Variants in GALNT13 observed in about 807,000 individuals in gnomAD.
The protein encoded by GALNT13 is UDP-GalNAc:polypeptide N-acetylgalactosaminyltransferase 13.
In GALNT13, 28 loss-of-function variants were observed where a neutral mutation model predicts 64.2. That is an observed-to-expected ratio of 0.44 (90% CI 0.32 to 0.60). The LOEUF (loss-of-function observed/expected upper bound fraction) is 0.60, where lower values mean the gene tolerates loss of function less well. Among genes scored for constraint, GALNT13 ranks in the 20% least tolerant of loss-of-function variants. GALNT13 has a pLI of 0.05. For missense variants in GALNT13, 577 were observed against 669.8 expected, an observed-to-expected ratio of 0.86 and a Z score of 1.53; for synonymous variants, 214 against 224.6, an observed-to-expected ratio of 0.95 and a Z score of 0.42.
chr2:153,758,673 AC>A, the GALNT13 span, among the ~76,000 whole-genome samples: 2 of 151,940 alleles, frequency 1.3e-5, no homozygotes, highest in Non-Finnish European at 2.9e-5. Flanking sequence ...GCTCACTGCA[AC>A]CTCCACCTCC....
intron 2 of GALNT13, among the ~76,000 whole-genome samples, chr2:153,903,521 A>C (rs560670338): frequency 6.6e-6 from 1 of 152,020 alleles, no homozygotes; most frequent in East Asian, 1.9e-4. Context: ...TCATTGATTC[A>C]TGTTCCAAGT....
the GALNT13 span, among the ~76,000 whole-genome samples, chr2:153,433,615 C>CA: frequency 7.3e-4 from 110 of 151,474 alleles, no homozygotes; most frequent in Middle Eastern, 0.017. Flanking sequence ...ATATTCTTTG[C>CA]AAAAAAAATC....
chr2:153,900,574 C>T (rs1322533295), intron 1 of GALNT13, among the ~76,000 whole-genome samples: 1 of 152,144 alleles, frequency 6.6e-6, no homozygotes, highest in Non-Finnish European at 1.5e-5. Context: ...TGAATAATCA[C>T]CTCAACTCTC....
intron 3 of GALNT13, among the ~76,000 whole-genome samples, chr2:153,954,838 G>A (rs7563451): frequency 0.079 from 11,942 of 152,050 alleles, 796 homozygotes; most frequent in African/African-American, 0.17. Flanking sequence ...GAGCCCATAT[G>A]TTGAAACGGT....
chr2:153,491,629 T>C, the GALNT13 span, among the ~76,000 whole-genome samples: 1 of 151,332 alleles, frequency 6.6e-6, no homozygotes, highest in Admixed American at 6.6e-5. Context: ...TATTTATTTA[T>C]TTATTTCTTC....
At chr2:154,048,327 TG>T (rs2105341001) in intron 3 of GALNT13, among the ~76,000 whole-genome samples, 1 of 152,224 alleles carries the variant, frequency 6.6e-6, no homozygotes, top group East Asian at 1.9e-4. Context: ...TGAGACTTGG[TG>T]GGGACTCTGA....
chr2:153,604,080 G>A, the GALNT13 span, among the ~76,000 whole-genome samples: 1 of 151,992 alleles, frequency 6.6e-6, no homozygotes, highest in East Asian at 1.9e-4. Context: ...AAGATGGCTA[G>A]TCAAGATATT....
chr2:153,400,068 A>T, the GALNT13 span, among the ~76,000 whole-genome samples: 5,100 of 151,932 alleles, frequency 0.034, 106 homozygotes, highest in Middle Eastern at 0.065. Flanking sequence ...GGTTTGTCAT[A>T]GATAGCTCTT....
the GALNT13 span, among the ~76,000 whole-genome samples, chr2:153,538,323 ATTC>A: frequency 8.9e-5 from 5 of 56,304 alleles, no homozygotes; most frequent in African/African-American, 3.9e-4. Flanking sequence ...TTTTTTTTTA[ATTC>A]TTTTTTTTTT....
the GALNT13 span, among the ~76,000 whole-genome samples, chr2:153,666,905 A>G: frequency 1.3e-5 from 2 of 152,196 alleles, no homozygotes; most frequent in Non-Finnish European, 2.9e-5. Flanking sequence ...ACTCAACACA[A>G]GGAATCTAAG....
chr2:154,306,074 C>G lies in GALNT13; in HGVS notation c.1156+4485C>G, dbSNP rs567648093. Among the ~76,000 whole-genome samples the G allele has an allele frequency of 2.6e-5, 4 of 152,278 alleles. No individual in the cohort carries two copies. In the South Asian group the frequency reaches 8.3e-4, roughly 32 times the overall value. ...TGGCAAATAAGCCTTTGTCCCACCT[C>G]TCTGATCCAGCCCTGGATAAGGACC... On this transcript the variant is annotated intron_variant, in intron 9 of 12. Coordinates refer to ENST00000392825, the MANE Select transcript of GALNT13 (RefSeq NM_052917.4).
intron 9 of GALNT13, among the ~76,000 whole-genome samples, chr2:154,335,903 A>G (rs12693977): frequency 0.2 from 30,086 of 151,966 alleles, 3,415 homozygotes; most frequent in Middle Eastern, 0.36. Context: ...TGGCAACTTT[A>G]TCTCTTATAT....
chr2:153,135,710 T>A, the GALNT13 span, among the ~76,000 whole-genome samples: 1 of 152,024 alleles, frequency 6.6e-6, no homozygotes, highest in Non-Finnish European at 1.5e-5. Flanking sequence ...ACTTTTGGAT[T>A]TTAATAGGTT....
At chr2:154,234,540 G>A (rs1448781743) in intron 4 of GALNT13, among the ~76,000 whole-genome samples, 2 of 152,024 alleles carry the variant, frequency 1.3e-5, no homozygotes, top group Admixed American at 6.6e-5. Flanking sequence ...TGAGGGGAAT[G>A]TGTTACAATT....
At chr2:153,265,873 A>G in the GALNT13 span, among the ~76,000 whole-genome samples, 1 of 152,220 alleles carries the variant, frequency 6.6e-6, no homozygotes, top group African/African-American at 2.4e-5. Flanking sequence ...TAGTTGATAA[A>G]ATGGCAGCAA....
the GALNT13 span, among the ~76,000 whole-genome samples, chr2:153,356,789 C>CT: frequency 0.013 from 1,348 of 104,872 alleles, 170 homozygotes; most frequent in East Asian, 0.022. Flanking sequence ...TCTTCTTCCT[C>CT]TTTTTTTTTT....
intron 9 of GALNT13, among the ~76,000 whole-genome samples, chr2:154,335,289 A>G (rs1223319337): frequency 1.3e-5 from 2 of 152,034 alleles, no homozygotes; most frequent in Non-Finnish European, 2.9e-5. Flanking sequence ...ACATTTCATC[A>G]TAACTCGAAT....
In GALNT13 at chr2:154,453,294, G is replaced by T. The variant is rs183223213; in HGVS notation, c.*2743G>T. On this transcript the variant is annotated 3_prime_UTR_variant, in exon 13 of 13. Transcript: ENST00000392825. ...ACTTCTCCCTCCGGTGGCCTTCAAG[G>T]TCCTTTATGAGTGTTACCCCTCTAC... 5 of 151,868 alleles carry T rather than the reference G, an allele frequency of 3.3e-5. No individual in the cohort carries two copies. The East Asian group carries it at 7.8e-4, about 24-fold the overall frequency. 9.4% of individuals were successfully genotyped at this position (151,868 alleles called of 1,614,324 possible). A position where few individuals can be genotyped will look rare whatever the true frequency, so the allele number is the denominator to read the frequency against.
the GALNT13 span, among the ~76,000 whole-genome samples, chr2:153,824,193 A>G: frequency 6.6e-6 from 1 of 152,148 alleles, no homozygotes; most frequent in South Asian, 2.1e-4. Flanking sequence ...CACTGTATAC[A>G]GCTGTACATA....
Sources: allele counts gnomAD v4.1 joint callset (sites outside exome capture counted in the v4.1 genomes callset), GRCh38; gene constraint gnomAD v4.1.1; transcripts MANE v1.5; gene names NCBI Gene and HGNC (gene_info 2026-07-23, HGNC 2026-07-21).